The following MTMR12 variants were observed in gnomAD, a reference collection of about 807,000 sequenced individuals.
MTMR12 encodes the protein myotubularin related protein 12.
MTMR12 carries 33 observed loss-of-function variants against 96.7 expected under a neutral mutation model. The observed-to-expected ratio is 0.34, with a 90% confidence interval of 0.26 to 0.46. The LOEUF (loss-of-function observed/expected upper bound fraction) is 0.46, where lower values mean the gene tolerates loss of function less well. MTMR12 is among the 20% of genes least tolerant of loss of function. The probability of loss-of-function intolerance (pLI) is 1.00; values close to 1 mark genes in which losing one functional copy is unlikely to be tolerated. For missense variants in MTMR12, 721 were observed against 896.1 expected (o/e 0.80, Z 2.49); for synonymous variants, 298 against 327.2 (o/e 0.91, Z 0.96).
At chr5:32,231,381 CAAAA>C (rs548654471) in intron 15 of MTMR12, among the ~76,000 whole-genome samples, 6 of 47,196 alleles carry the variant, frequency 1.3e-4, no homozygotes, top group East Asian at 6.1e-4. Flanking sequence ...CTCTGGCTCG[CAAAA>C]AAAAAAAAAA....
chr5:32,292,285 G>A (rs1343679592), intron 1 of MTMR12, among the ~76,000 whole-genome samples: 1 of 152,072 alleles, frequency 6.6e-6, no homozygotes, highest in African/African-American at 2.4e-5. Flanking sequence ...AGGATTCACG[G>A]GTCCAGGAAT....
intron 1 of MTMR12, among the ~76,000 whole-genome samples, chr5:32,301,049 G>A (rs2963960): frequency 0.28 from 43,101 of 151,998 alleles, 6,367 homozygotes; most frequent in East Asian, 0.42. Context: ...CACTGCAGCT[G>A]GGTAACAGAG....
At chr5:32,255,609 A>G in intron 8 of MTMR12, 84 bp downstream of exon 8, 1 of 1,295,590 alleles carries the variant, frequency 7.7e-7, no homozygotes, top group Non-Finnish European at 1.1e-6. Context: ...TCTAGAACAA[A>G]AGCCAAGGGC....
chr5:32,302,487 G>A (rs1404239580), intron 1 of MTMR12, among the ~76,000 whole-genome samples: 1 of 152,240 alleles, frequency 6.6e-6, no homozygotes, highest in East Asian at 1.9e-4. Context: ...GGGAAGCCGA[G>A]GTGGGTAGAT....
intron 1 of MTMR12, among the ~76,000 whole-genome samples, chr5:32,296,019 C>T (rs1339151061): frequency 6.6e-6 from 1 of 152,044 alleles, no homozygotes; most frequent in East Asian, 1.9e-4. Flanking sequence ...GTTAGCCGGG[C>T]ATGGTGGCAC....
chr5:32,274,194 C>T (rs1749959721), intron 2 of MTMR12, 72 bp from the exon 3 acceptor site: 1 of 1,530,734 alleles, frequency 6.5e-7, no homozygotes, highest in Non-Finnish European at 8.9e-7. Flanking sequence ...TAAAGGCTTT[C>T]CAGCCCTATT....
At chr5:32,232,202 A>G (rs1748023945) in intron 15 of MTMR12, among the ~76,000 whole-genome samples, 1 of 152,140 alleles carries the variant, frequency 6.6e-6, no homozygotes, top group African/African-American at 2.4e-5. Context: ...CGGCAGCACC[A>G]CATGCTGCTC....
intron 1 of MTMR12, among the ~76,000 whole-genome samples, chr5:32,308,902 C>A (rs2111554753): frequency 6.6e-6 from 1 of 152,354 alleles, no homozygotes; most frequent in East Asian, 1.9e-4. Context: ...CACGCCCGGC[C>A]TTACCCTTAT....
At chr5:32,231,307 A>G (rs1056606843) in intron 15 of MTMR12, among the ~76,000 whole-genome samples, 2 of 147,770 alleles carry the variant, frequency 1.4e-5, no homozygotes, top group Non-Finnish European at 3.0e-5. Context: ...TGAACCCAGG[A>G]GGCAGAGGCT....
At chr5:32,251,078 C>T (rs563470465) in intron 8 of MTMR12, among the ~76,000 whole-genome samples, 23 of 121,456 alleles carry the variant, frequency 1.9e-4, no homozygotes, top group African/African-American at 5.5e-4. Context: ...TTTTTTGAGA[C>T]GGAGTCTCGC....
chr5:32,310,855 G>A (rs1751556494), intron 1 of MTMR12, among the ~76,000 whole-genome samples: 1 of 151,746 alleles, frequency 6.6e-6, no homozygotes, highest in Non-Finnish European at 1.5e-5. Flanking sequence ...TGCATTGTAT[G>A]CCTGTATCCA....
chr5:32,272,546 A>T (rs1245025780), intron 3 of MTMR12, among the ~76,000 whole-genome samples: 4 of 151,810 alleles, frequency 2.6e-5, no homozygotes, highest in African/African-American at 9.7e-5. Flanking sequence ...CTCCTAGCTA[A>T]TTTTTGTGTT....
chr5:32,308,321 CA>C (rs1188447384), intron 1 of MTMR12, among the ~76,000 whole-genome samples: 54 of 138,306 alleles, frequency 3.9e-4, no homozygotes, highest in Non-Finnish European at 3.3e-4. Flanking sequence ...GGCTCCATCT[CA>C]AAAAAAAAAA....
chr5:32,265,511 A>C (rs1048134308), intron 6 of MTMR12, among the ~76,000 whole-genome samples: 2 of 152,272 alleles, frequency 1.3e-5, no homozygotes, highest in African/African-American at 4.8e-5. Context: ...TGTGCACTCA[A>C]TAAATGTTTA....
At chr5:32,254,770 GGAGGCA>G (rs1179453604) in intron 8 of MTMR12, among the ~76,000 whole-genome samples, 1 of 152,088 alleles carries the variant, frequency 6.6e-6, no homozygotes, top group Non-Finnish European at 1.5e-5. Flanking sequence ...CTTGAACTTG[GGAGGCA>G]GAGGCTGCAG....
At chr5:32,265,727 A>G (rs1437106969) in intron 6 of MTMR12, among the ~76,000 whole-genome samples, 1 of 152,226 alleles carries the variant, frequency 6.6e-6, no homozygotes, top group East Asian at 1.9e-4. Flanking sequence ...TAATTCTCTA[A>G]GCATAATCTG....
At chr5:32,248,261 G>A (rs1748776350) in intron 9 of MTMR12, 135 bp from the exon 10 acceptor site, 3 of 980,438 alleles carry the variant, frequency 3.1e-6, no homozygotes, top group Non-Finnish European at 3.0e-6. Flanking sequence ...GGCAATTGCT[G>A]CAGGACTCCT....
Position 32,251,245 on chromosome 5 carries a change from C to T in MTMR12, c.790-2367G>A, listed in dbSNP as rs889888612. 4.6e-5 allele frequency among the ~76,000 whole-genome samples: 7 copies of T among 151,940 alleles called. No homozygotes were observed. In the South Asian group the frequency reaches 6.2e-4, roughly 14 times the overall value. On this transcript the variant is annotated intron_variant, in intron 8 of 15. Coordinates refer to ENST00000382142, the MANE Select transcript of MTMR12 (RefSeq NM_001040446.3). ...TAATTTTTTGTATTTTTAGTAGAGACGGGGTTTCACCGTTTTACCTCGTGA... is the reference window on the plus strand; with the variant it reads ...TAATTTTTTGTATTTTTAGTAGAGATGGGGTTTCACCGTTTTACCTCGTGA...
chr5:32,251,037 C>T (rs1171354719), intron 8 of MTMR12, among the ~76,000 whole-genome samples: 1 of 149,010 alleles, frequency 6.7e-6, no homozygotes, highest in African/African-American at 2.5e-5. Context: ...TTATTCGGTA[C>T]ATTTTAAGGT....
Sources: gnomAD v4.1 joint callset for allele counts (sites outside exome capture counted in the v4.1 genomes callset) on GRCh38, gnomAD v4.1.1 for gene constraint, MANE v1.5 for transcripts, NCBI Gene and HGNC (gene_info 2026-07-23, HGNC 2026-07-21) for gene names.